TOX: variants seen among roughly 807,000 people sequenced by gnomAD.
TOX encodes the protein thymocyte selection-associated high mobility group box protein TOX.
A neutral mutation model predicts 53.7 loss-of-function variants in TOX; 11 were observed. The observed-to-expected ratio is 0.20, with a 90% CI of 0.13 to 0.34. TOX has a LOEUF of 0.34. Among genes scored for constraint, TOX ranks in the 10% least tolerant of loss-of-function variants. The pLI is 1.00. For missense variants in TOX, 570 were observed against 664.6 expected, an observed-to-expected ratio of 0.86 and a Z score of 1.56; for synonymous variants, 225 against 245.3, an observed-to-expected ratio of 0.92 and a Z score of 0.77.
At chr8:59,087,184 A>C (rs1804527290) in intron 1 of TOX, among the ~76,000 whole-genome samples, 1 of 152,246 alleles carries the variant, frequency 6.6e-6, no homozygotes, top group Admixed American at 6.5e-5. Flanking sequence ...TAAAAGCATC[A>C]ACAGTCGAGC....
intron 1 of TOX, among the ~76,000 whole-genome samples, chr8:59,092,356 T>A (rs1401514740): frequency 2.4e-5 from 3 of 124,474 alleles, no homozygotes; most frequent in African/African-American, 3.8e-5. Flanking sequence ...TTATATATAT[T>A]ATATATATAT....
chr8:59,059,479 A>G (rs1803941254), intron 1 of TOX, among the ~76,000 whole-genome samples: 1 of 152,222 alleles, frequency 6.6e-6, no homozygotes, highest in Non-Finnish European at 1.5e-5. Context: ...GAAAAGGAAG[A>G]ATAAAGAGTC....
intron 1 of TOX, among the ~76,000 whole-genome samples, chr8:59,002,795 T>C (rs1296685417): frequency 6.6e-6 from 1 of 152,190 alleles, no homozygotes; most frequent in East Asian, 1.9e-4. Context: ...TGATAGGGAA[T>C]AAATTAGTCA....
intron 1 of TOX, among the ~76,000 whole-genome samples, chr8:58,963,240 A>G (rs1386701843): frequency 6.6e-6 from 1 of 152,130 alleles, no homozygotes; most frequent in African/African-American, 2.4e-5. Context: ...ACATCTCAGT[A>G]TCCATAATCA....
intron 1 of TOX, among the ~76,000 whole-genome samples, chr8:59,003,501 G>T (rs1308980180): frequency 6.6e-6 from 1 of 152,168 alleles, no homozygotes; most frequent in Non-Finnish European, 1.5e-5. Flanking sequence ...GATTCACGAG[G>T]ATTGTGGAAA....
Position 58,866,275 on chromosome 8 carries a change from G to A in TOX, c.412-14470C>T, listed in dbSNP as rs111759953. On this transcript the variant is annotated intron_variant, in intron 3 of 8. Coordinates refer to ENST00000361421, the MANE Select transcript of TOX (RefSeq NM_014729.3). The stretch of plus-strand genomic sequence containing the variant: ...TATACAGGGATTGCTGGATGAGAAG[G>A]TACACTGACTGACATACTCATCAAG... Among the ~76,000 whole-genome samples the A allele has an allele frequency of 1.4e-3, 220 of 152,250 alleles. 3 individuals are homozygous for A. Among genetic ancestry groups the A allele is most frequent in the African/African-American group, 5.2e-3 (215 of 41,562 alleles).
At chr8:58,927,963 C>T (rs773971022) in intron 3 of TOX, among the ~76,000 whole-genome samples, 1 of 152,324 alleles carries the variant, frequency 6.6e-6, no homozygotes, top group Non-Finnish European at 1.5e-5. Flanking sequence ...TACGGCTTCT[C>T]AAGATCCCAA....
At chr8:59,011,710 A>G (rs1400876329) in intron 1 of TOX, among the ~76,000 whole-genome samples, 1 of 152,156 alleles carries the variant, frequency 6.6e-6, no homozygotes, top group Non-Finnish European at 1.5e-5. Flanking sequence ...GAGTAATAGT[A>G]ATAGTGATGA....
chr8:58,941,925 T>C (rs1393073705), intron 2 of TOX, among the ~76,000 whole-genome samples: 1 of 151,848 alleles, frequency 6.6e-6, no homozygotes, highest in Non-Finnish European at 1.5e-5. Context: ...TGGTGGCGCA[T>C]GCCTGTAGTC....
chr8:58,977,595 A>T (rs1813124646), intron 1 of TOX, among the ~76,000 whole-genome samples: 1 of 152,180 alleles, frequency 6.6e-6, no homozygotes, highest in South Asian at 2.1e-4. Context: ...AAGCTTAATG[A>T]TTTCTACTTT....
At chr8:59,077,607 G>T (rs1311377273) in intron 1 of TOX, among the ~76,000 whole-genome samples, 3 of 152,122 alleles carry the variant, frequency 2.0e-5, no homozygotes, top group Middle Eastern at 3.2e-3. Context: ...ACTGAGATCT[G>T]CTGCTGCTCC....
At chr8:59,060,424 G>A (rs1194556875) in intron 1 of TOX, among the ~76,000 whole-genome samples, 1 of 152,186 alleles carries the variant, frequency 6.6e-6, no homozygotes, top group Admixed American at 6.5e-5. Context: ...TCAGGAGATT[G>A]AGACCAGCCT....
At chr8:59,042,135 C>T (rs1157969965) in intron 1 of TOX, among the ~76,000 whole-genome samples, 3 of 152,116 alleles carry the variant, frequency 2.0e-5, no homozygotes, top group East Asian at 3.8e-4. Context: ...GCATTCTGAT[C>T]GCTACATAGT....
At chr8:59,042,195 T>C (rs553928272) in intron 1 of TOX, among the ~76,000 whole-genome samples, 1 of 152,348 alleles carries the variant, frequency 6.6e-6, no homozygotes, top group Admixed American at 6.5e-5. Flanking sequence ...CTGATATTCA[T>C]GGGTGTTTGC....
chr8:59,051,882 T>A (rs1803796690), intron 1 of TOX, among the ~76,000 whole-genome samples: 1 of 152,180 alleles, frequency 6.6e-6, no homozygotes, highest in Non-Finnish European at 1.5e-5. Flanking sequence ...GTTTATCAGC[T>A]CTATTTAGTG....
At chr8:59,020,734 T>G (rs1814108938) in intron 1 of TOX, among the ~76,000 whole-genome samples, 1 of 152,162 alleles carries the variant, frequency 6.6e-6, no homozygotes, top group Non-Finnish European at 1.5e-5. Context: ...CATTACATTA[T>G]GTACCATACT....
chr8:58,873,957 G>GTTTTTTT (rs1585873069), intron 3 of TOX, among the ~76,000 whole-genome samples: 2 of 43,992 alleles, frequency 4.5e-5, no homozygotes, highest in African/African-American at 6.3e-4. Flanking sequence ...ATGCCAGGAA[G>GTTTTTTT]CTTTTTTTTT....
chr8:58,983,852 GT>G (rs1385802082), intron 1 of TOX, among the ~76,000 whole-genome samples: 1 of 152,204 alleles, frequency 6.6e-6, no homozygotes, highest in Non-Finnish European at 1.5e-5. Flanking sequence ...TCCCACTTGG[GT>G]TTGCAATGTA....
chr8:58,920,721 T>TAAAAAAAAAAAAAAAAAAAA (rs5891703), intron 3 of TOX, among the ~76,000 whole-genome samples: 12 of 81,038 alleles, frequency 1.5e-4, no homozygotes, highest in East Asian at 4.1e-4. Context: ...AAAAAAACAT[T>TAAAAAAAAAAAAAAAAAAAA]AAAAAAAAAA....
Sources: gnomAD v4.1 joint callset for allele counts (sites outside exome capture counted in the v4.1 genomes callset) on GRCh38, gnomAD v4.1.1 for gene constraint, MANE v1.5 for transcripts, NCBI Gene and HGNC (gene_info 2026-07-23, HGNC 2026-07-21) for gene names.